Variants in AOAH observed in about 807,000 individuals in gnomAD.
AOAH encodes the protein acyloxyacyl hydrolase.
A neutral mutation model predicts 92.2 loss-of-function variants in AOAH; 64 were observed. The observed-to-expected ratio is 0.69, with a 90% CI of 0.57 to 0.86. AOAH has a LOEUF of 0.86. Among genes scored for constraint, AOAH ranks in the 40% least tolerant of loss-of-function variants. The probability of loss-of-function intolerance (pLI) is 0.00; values close to 1 mark genes in which losing one functional copy is unlikely to be tolerated. For missense variants in AOAH, 656 were observed against 694.6 expected (o/e 0.94, Z 0.62); for synonymous variants, 263 against 254.5 (o/e 1.03, Z -0.32).
intron 2 of AOAH, among the ~76,000 whole-genome samples, chr7:36,685,030 A>T (rs1359891638): frequency 1.3e-5 from 2 of 151,544 alleles, no homozygotes; most frequent in African/African-American, 4.8e-5. Context: ...AAACAATATC[A>T]TTTATAGGCT....
At position 36,707,500 on chromosome 7, in the gene AOAH, G is replaced by A. The variant is rs375387681; in HGVS notation, c.127+16522C>T. On this transcript the variant is annotated intron_variant, in intron 1 of 20. Coordinates refer to ENST00000617537, the MANE Select transcript of AOAH (RefSeq NM_001637.4). ...AGTGAGCACATGCTGTTGGAAAAACGGTGCCAATAGACTTGTTTGGCATAG... is the reference window on the plus strand; with the variant it reads ...AGTGAGCACATGCTGTTGGAAAAACAGTGCCAATAGACTTGTTTGGCATAG... 4.6e-5 allele frequency among the ~76,000 whole-genome samples: 7 copies of A among 152,170 alleles called. No homozygotes were observed. The South Asian group carries it at 1.2e-3, about 27-fold the overall frequency.
At chr7:36,683,860 G>A (rs559020613) in intron 2 of AOAH, among the ~76,000 whole-genome samples, 11 of 152,082 alleles carry the variant, frequency 7.2e-5, no homozygotes, top group Middle Eastern at 3.2e-3. Flanking sequence ...CGGGTGCGGT[G>A]GTGGGCTCCA....
chr7:36,709,154 G>A (rs1286962094), intron 1 of AOAH, among the ~76,000 whole-genome samples: 1 of 152,124 alleles, frequency 6.6e-6, no homozygotes, highest in African/African-American at 2.4e-5. Flanking sequence ...GATCACCGTT[G>A]CTTCATCAGG....
intron 1 of AOAH, among the ~76,000 whole-genome samples, chr7:36,721,872 G>T (rs1584199597): frequency 6.6e-6 from 1 of 152,290 alleles, no homozygotes; most frequent in South Asian, 2.1e-4. Context: ...TGCTGTGCCT[G>T]TTTCCAGACC....
chr7:36,645,135 A>G (rs2116388420), intron 4 of AOAH, among the ~76,000 whole-genome samples: 1 of 152,226 alleles, frequency 6.6e-6, no homozygotes, highest in East Asian at 1.9e-4. Context: ...CCCCACCCCA[A>G]CCAAATTCTT....
At chr7:36,620,255 G>C (rs536539649) in intron 9 of AOAH, among the ~76,000 whole-genome samples, 2 of 152,140 alleles carry the variant, frequency 1.3e-5, no homozygotes, top group East Asian at 3.9e-4. Flanking sequence ...GTGTTAGTTT[G>C]GCTTTCCTCT....
At chr7:36,688,672 A>C (rs1469534732) in intron 1 of AOAH, among the ~76,000 whole-genome samples, 2 of 152,156 alleles carry the variant, frequency 1.3e-5, no homozygotes, top group East Asian at 3.8e-4. Flanking sequence ...ATTTATTTCT[A>C]AGAGTTTAGA....
At chr7:36,616,667 A>G (rs1283194813) in intron 10 of AOAH, among the ~76,000 whole-genome samples, 193 bp from the exon 11 acceptor site, 1 of 152,202 alleles carries the variant, frequency 6.6e-6, no homozygotes, top group Admixed American at 6.5e-5. Context: ...TTTCCAGGCC[A>G]TTGGAGCTGC....
intron 18 of AOAH, among the ~76,000 whole-genome samples, chr7:36,531,001 GT>G (rs1296885526): frequency 6.6e-6 from 1 of 152,196 alleles, no homozygotes; most frequent in Admixed American, 6.5e-5. Context: ...ATTTATCATA[GT>G]GTAAATTTGG....
At chr7:36,608,785 C>A (rs1791185374) in intron 11 of AOAH, among the ~76,000 whole-genome samples, 1 of 152,012 alleles carries the variant, frequency 6.6e-6, no homozygotes, top group Admixed American at 6.6e-5. Context: ...CTGAGCCAGT[C>A]CAGGTTAATG....
intron 11 of AOAH, among the ~76,000 whole-genome samples, chr7:36,605,322 C>A (rs1348881185): frequency 6.6e-6 from 1 of 152,226 alleles, no homozygotes; most frequent in African/African-American, 2.4e-5. Flanking sequence ...ATGGAATTTT[C>A]TCTTTCCACA....
chr7:36,674,077 A>G, intron 2 of AOAH, 68 bp from the exon 3 acceptor site: 1 of 866,460 alleles, frequency 1.2e-6, no homozygotes, highest in South Asian at 1.5e-5. Context: ...CTTAATAATG[A>G]TTATCTTTGC....
intron 5 of AOAH, among the ~76,000 whole-genome samples, chr7:36,633,938 C>T (rs185471892): frequency 5.5e-4 from 84 of 152,238 alleles, no homozygotes; most frequent in Non-Finnish European, 1.5e-4. Flanking sequence ...AGATGCCCGC[C>T]GCACAAATCT....
intron 8 of AOAH, 76 bp downstream of exon 8, chr7:36,621,634 T>C (rs1433029752): frequency 7.4e-7 from 1 of 1,356,954 alleles, no homozygotes; most frequent in African/African-American, 1.4e-5. Flanking sequence ...TCCCCTAGGC[T>C]GGGGGAAGGA....
intron 16 of AOAH, among the ~76,000 whole-genome samples, chr7:36,537,506 GTTTTTT>G (rs67918250): frequency 7.4e-6 from 1 of 134,800 alleles, no homozygotes; most frequent in Non-Finnish European, 1.6e-5. Context: ...CACCCCTCTT[GTTTTTT>G]TTTTTTTTTT....
At chr7:36,680,393 T>C (rs1297155499) in intron 2 of AOAH, among the ~76,000 whole-genome samples, 2 of 152,258 alleles carry the variant, frequency 1.3e-5, no homozygotes, top group Non-Finnish European at 2.9e-5. Context: ...CTTTGTTTTT[T>C]GTACTTTTTT....
chr7:36,618,373 A>G (rs1169584836), intron 9 of AOAH, 28 bp from the exon 10 acceptor site: 19 of 1,612,030 alleles, frequency 1.2e-5, no homozygotes, highest in Non-Finnish European at 1.6e-5. Flanking sequence ...TGTGATTAGC[A>G]GTTTGGTTTT....
intron 20 of AOAH, 123 bp from the exon 21 acceptor site, chr7:36,513,503 A>C (rs1790163318): frequency 2.2e-6 from 2 of 890,662 alleles, no homozygotes; most frequent in Non-Finnish European, 3.4e-6. Flanking sequence ...TCCCACCCCC[A>C]TGTCTCTGTA....
chr7:36,596,242 A>G (rs935568611), intron 11 of AOAH, among the ~76,000 whole-genome samples: 1 of 151,568 alleles, frequency 6.6e-6, no homozygotes, highest in Non-Finnish European at 1.5e-5. Flanking sequence ...GTCATATATA[A>G]AACAGTTTAT....
Sources: gnomAD v4.1 joint callset for allele counts (sites outside exome capture counted in the v4.1 genomes callset) on GRCh38, gnomAD v4.1.1 for gene constraint, MANE v1.5 for transcripts, NCBI Gene and HGNC (gene_info 2026-07-23, HGNC 2026-07-21) for gene names.